The following NAALADL2 variants were observed in gnomAD, a reference collection of about 807,000 sequenced individuals.
The protein encoded by NAALADL2 is N-acetylated alpha-linked acidic dipeptidase like 2.
A neutral mutation model predicts 87.2 loss-of-function variants in NAALADL2; 76 were observed. The observed-to-expected ratio is 0.87, with a 90% confidence interval of 0.72 to 1.05. The LOEUF (loss-of-function observed/expected upper bound fraction) is 1.05. Among genes scored for constraint, NAALADL2 ranks in the 50% least tolerant of loss-of-function variants. NAALADL2 has a pLI of 0.00. For missense variants in NAALADL2, 1,089 were observed against 945.8 expected (o/e 1.15, Z -1.99); for synonymous variants, 354 against 331.0 (o/e 1.07, Z -0.75).
At chr3:175,309,013 TTGTATC>T (rs1284970581) in intron 4 of NAALADL2, among the ~76,000 whole-genome samples, 1 of 152,182 alleles carries the variant, frequency 6.6e-6, no homozygotes, top group Admixed American at 6.5e-5. Flanking sequence ...CCTTAGCTGT[TTGTATC>T]TGTACTCATC....
At chr3:175,784,242 C>T (rs1218201903) in intron 13 of NAALADL2, among the ~76,000 whole-genome samples, 1 of 150,474 alleles carries the variant, frequency 6.6e-6, no homozygotes, top group Non-Finnish European at 1.5e-5. Flanking sequence ...AGGATTCCCT[C>T]TTTTTCTATT....
chr3:174,795,662 A>G (rs1393760930), intron 3 of NAALADL2, among the ~76,000 whole-genome samples: 2 of 152,188 alleles, frequency 1.3e-5, no homozygotes, highest in African/African-American at 2.4e-5. Flanking sequence ...CTAACAGTGT[A>G]TGAAAGCTCC....
Position 174,877,876 on chromosome 3 carries a change from A to G in NAALADL2, c.43+18426A>G, listed in dbSNP as rs1230962997. Among the ~76,000 whole-genome samples the G allele has an allele frequency of 2.0e-5, 3 of 152,090 alleles. No homozygotes were observed. The East Asian group carries it at 5.8e-4, about 29-fold the overall frequency. On this transcript the variant is annotated intron_variant, in intron 1 of 13. Transcript: ENST00000454872. ...TAGAAACTCACTATCATAAGATAGC[A>G]AATTCCTTACAAACAATTATAGCCC...
chr3:175,783,573 A>G (rs995400625), intron 13 of NAALADL2, among the ~76,000 whole-genome samples: 2 of 151,974 alleles, frequency 1.3e-5, no homozygotes, highest in African/African-American at 4.8e-5. Context: ...ACTTTGCTGA[A>G]GTTGCTTATC....
intron 3 of NAALADL2, among the ~76,000 whole-genome samples, chr3:174,745,027 A>C (rs903666772): frequency 6.6e-6 from 1 of 152,144 alleles, no homozygotes; most frequent in African/African-American, 2.4e-5. Flanking sequence ...CTAACATCAC[A>C]ACTAAAAGAA....
rs1749909227 is a variant in NAALADL2, at chr3:175,012,156, G to A, written c.44-84634G>A. On this transcript the variant is annotated intron_variant, in intron 1 of 13. Coordinates refer to ENST00000454872, the MANE Select transcript of NAALADL2 (RefSeq NM_207015.3). ...AAGCTAAGATTCTTTGAGGCATTGT[G>A]AATTATTTTATTTATTTATTTATCT... 2.0e-5 allele frequency among the ~76,000 whole-genome samples: 3 copies of A among 151,976 alleles called. No homozygotes were observed. The South Asian group carries it at 6.2e-4, about 32-fold the overall frequency.
intron 4 of NAALADL2, among the ~76,000 whole-genome samples, chr3:175,259,696 T>C (rs1750678871): frequency 6.6e-6 from 1 of 152,204 alleles, no homozygotes; most frequent in Non-Finnish European, 1.5e-5. Flanking sequence ...TGTATTTATT[T>C]TGTATACAGA....
At chr3:174,943,630 C>G (rs28879515) in intron 1 of NAALADL2, among the ~76,000 whole-genome samples, 6,316 of 152,218 alleles carry the variant, frequency 0.041, 446 homozygotes, top group African/African-American at 0.14. Context: ...TCTGGGGGCT[C>G]CACCCCAAAG....
At chr3:174,557,281 AT>A (rs1712951573) in intron 2 of NAALADL2, among the ~76,000 whole-genome samples, 1 of 152,210 alleles carries the variant, frequency 6.6e-6, no homozygotes, top group Non-Finnish European at 1.5e-5. Flanking sequence ...ACTTAAAAAA[AT>A]ACAACTTTAT....
intron 1 of NAALADL2, among the ~76,000 whole-genome samples, chr3:174,453,199 G>C (rs1715600126): frequency 6.6e-6 from 1 of 152,076 alleles, no homozygotes; most frequent in African/African-American, 2.4e-5. Flanking sequence ...TTGAAGACTG[G>C]CTTTCTGAAA....
chr3:174,826,050 AACG>A (rs1171739374), intron 3 of NAALADL2, among the ~76,000 whole-genome samples: 1,833 of 147,722 alleles, frequency 0.012, 34 homozygotes, highest in African/African-American at 0.044. Context: ...CAACAACAAC[AACG>A]ACAACAACAA....
chr3:174,885,907 T>G lies in NAALADL2; in HGVS notation c.43+26457T>G, dbSNP rs1334219335. On this transcript the variant is annotated intron_variant, in intron 1 of 13. Coordinates refer to ENST00000454872, the MANE Select transcript of NAALADL2 (RefSeq NM_207015.3). Reference sequence around the variant, plus strand: ...TTTTTTTTTTTTTTTTTTTTTTTTTTTTTTTTTTTTTTTTTTTTTTTTTTT... The same window carrying G: ...TTTTTTTTTTTTTTTTTTTTTTTTTGTTTTTTTTTTTTTTTTTTTTTTTTT... Among the ~76,000 whole-genome samples, 64 of 46,358 alleles carry G rather than the reference T, an allele frequency of 1.4e-3. 1 individual carries two copies. Among genetic ancestry groups the G allele is most frequent in the Middle Eastern group, 8.6e-3 (1 of 116 alleles). The allele number at this position is 46,358 out of a possible 152,430, so 30.4% of individuals were successfully genotyped here.
chr3:174,517,184 G>A (rs1309635269), intron 1 of NAALADL2, among the ~76,000 whole-genome samples: 1 of 151,862 alleles, frequency 6.6e-6, no homozygotes, highest in Non-Finnish European at 1.5e-5. Context: ...TTCTGATTAA[G>A]ATTTATATTA....
chr3:175,370,466 A>G (rs940582820), intron 5 of NAALADL2, among the ~76,000 whole-genome samples: 1 of 151,832 alleles, frequency 6.6e-6, no homozygotes, highest in African/African-American at 2.4e-5. Context: ...AATGGTTAAA[A>G]AATGACTAGA....
rs187089444 is a variant in NAALADL2 at position 174,801,440 on chromosome 3, C to A, written c.-9+63694C>A. ...CATGATTGTGAGACTTCTCCAGCAA[C>A]GTGGAACTGTAAGTCCATTAAATTT... On this transcript the variant is annotated intron_variant, in intron 3 of 3. Coordinates refer to the NAALADL2 transcript ENST00000434257. 3.4e-3 allele frequency among the ~76,000 whole-genome samples: 522 copies of A among 152,284 alleles called. 9 individuals are homozygous for A. The highest frequency in any genetic ancestry group is 0.029 in the Admixed American group (443 of 15,284).
intron 2 of NAALADL2, among the ~76,000 whole-genome samples, chr3:175,139,194 A>G (rs1306399327): frequency 2.0e-5 from 3 of 151,644 alleles, no homozygotes; most frequent in African/African-American, 7.3e-5. Flanking sequence ...ATAAACTATG[A>G]TATTACCCTC....
chr3:174,829,424 G>A (rs1293484659), intron 3 of NAALADL2, among the ~76,000 whole-genome samples: 1 of 146,722 alleles, frequency 6.8e-6, no homozygotes, highest in African/African-American at 2.6e-5. Flanking sequence ...TTTCATCCAT[G>A]TCCCTACAAA....
intron 2 of NAALADL2, among the ~76,000 whole-genome samples, chr3:175,145,196 GTT>G (rs1215202527): frequency 2.0e-5 from 3 of 151,994 alleles, no homozygotes; most frequent in African/African-American, 7.2e-5. Context: ...TGAATACCGT[GTT>G]TTGATGACTC....
chr3:175,588,516 A>ACTTT (rs1313725861), intron 10 of NAALADL2, among the ~76,000 whole-genome samples: 1 of 139,500 alleles, frequency 7.2e-6, no homozygotes, highest in Admixed American at 7.1e-5. Flanking sequence ...AATTTAGGAG[A>ACTTT]CTTTCTTTCT....
Sources: gnomAD v4.1 joint callset for allele counts (sites outside exome capture counted in the v4.1 genomes callset) on GRCh38, gnomAD v4.1.1 for gene constraint, MANE v1.5 for transcripts, NCBI Gene and HGNC (gene_info 2026-07-23, HGNC 2026-07-21) for gene names.